CCDC7: variants seen among roughly 807,000 people sequenced by gnomAD.
CCDC7 encodes coiled-coil domain containing 7, also known as coiled-coil domain-containing protein 7.
A neutral mutation model predicts 196.9 loss-of-function variants in CCDC7; 183 were observed. The observed-to-expected ratio is 0.93, with a 90% CI of 0.82 to 1.05. CCDC7 has a LOEUF of 1.05. Among genes scored for constraint, CCDC7 ranks in the 50% least tolerant of loss-of-function variants. The pLI, the probability that CCDC7 is intolerant of heterozygous loss-of-function variation, is 0.00. For missense variants in CCDC7, 1,540 were observed against 1,482.2 expected, an observed-to-expected ratio of 1.04 and a Z score of -0.64; for synonymous variants, 525 against 484.6, an observed-to-expected ratio of 1.08 and a Z score of -1.10.
At chr10:32,849,398 T>C (rs1002190520) in intron 39 of CCDC7, among the ~76,000 whole-genome samples, 1 of 151,854 alleles carries the variant, frequency 6.6e-6, no homozygotes, top group Non-Finnish European at 1.5e-5. Context: ...GAAACTTTAC[T>C]GGTTGTTCAA....
At chr10:32,648,569 G>T (rs1266887927) in intron 20 of CCDC7, among the ~76,000 whole-genome samples, 1 of 152,112 alleles carries the variant, frequency 6.6e-6, no homozygotes, top group Non-Finnish European at 1.5e-5. Context: ...TCTGCCTCTA[G>T]GTCTTTGAAG....
intron 18 of CCDC7, among the ~76,000 whole-genome samples, chr10:32,607,923 G>A (rs1380758474): frequency 6.6e-6 from 1 of 152,064 alleles, no homozygotes; most frequent in East Asian, 1.9e-4. Flanking sequence ...GAATACAGCA[G>A]TAGAGCCATC....
intron 39 of CCDC7, 65 bp downstream of exon 40, chr10:32,848,783 C>A: frequency 8.2e-7 from 1 of 1,217,740 alleles, no homozygotes; most frequent in Non-Finnish European, 1.2e-6. Context: ...TTAAAGTATG[C>A]TTTTTCATTT....
chr10:32,684,059 G>A (rs866132229), intron 21 of CCDC7, among the ~76,000 whole-genome samples: 1 of 152,178 alleles, frequency 6.6e-6, no homozygotes, highest in Non-Finnish European at 1.5e-5. Context: ...TCAGAGAAAT[G>A]CAGAGCTGCA....
chr10:32,625,625 G>A (rs549375269), intron 18 of CCDC7, among the ~76,000 whole-genome samples: 29 of 152,052 alleles, frequency 1.9e-4, no homozygotes, highest in Admixed American at 1.7e-3. Flanking sequence ...ATTTTGAAAT[G>A]TACAATATGC....
chr10:32,820,840 T>G (rs1003541124), intron 31 of CCDC7, among the ~76,000 whole-genome samples: 16 of 152,280 alleles, frequency 1.1e-4, no homozygotes, highest in African/African-American at 3.4e-4. Context: ...GACTTAAATG[T>G]TAGACCTAAA....
chr10:32,843,102 T>A (rs2093074189), intron 33 of CCDC7, among the ~76,000 whole-genome samples: 1 of 150,486 alleles, frequency 6.6e-6, no homozygotes, highest in African/African-American at 2.5e-5. Flanking sequence ...AAAAATAAAT[T>A]TTTTTAAAAA....
At chr10:32,656,064 C>CTTA (rs3031377) in intron 20 of CCDC7, among the ~76,000 whole-genome samples, 68,075 of 151,578 alleles carry the variant, frequency 0.45, 16,006 homozygotes, top group East Asian at 0.58. Flanking sequence ...TTGATACAAT[C>CTTA]TTATTCTATT....
intron 9 of CCDC7, among the ~76,000 whole-genome samples, chr10:32,508,553 T>C (rs1210357581): frequency 6.6e-6 from 1 of 152,176 alleles, no homozygotes; most frequent in Non-Finnish European, 1.5e-5. Flanking sequence ...AAAATTCATA[T>C]GCAATTTCAA....
At chr10:32,455,455 C>T (rs996415156) in intron 2 of CCDC7, among the ~76,000 whole-genome samples, 5 of 151,958 alleles carry the variant, frequency 3.3e-5, no homozygotes, top group Non-Finnish European at 7.4e-5. Flanking sequence ...GCTGGGATTA[C>T]CGGTGTGCGG....
chr10:32,759,969 A>T (rs930393622), intron 28 of CCDC7, among the ~76,000 whole-genome samples: 1 of 152,150 alleles, frequency 6.6e-6, no homozygotes, highest in African/African-American at 2.4e-5. Flanking sequence ...GAAGACATTT[A>T]TGCAGCCAAA....
At chr10:32,556,031 A>G (rs1226293024) in intron 13 of CCDC7, among the ~76,000 whole-genome samples, 1 of 152,152 alleles carries the variant, frequency 6.6e-6, no homozygotes, top group African/African-American at 2.4e-5. Flanking sequence ...CACATCACTC[A>G]TGGTGTCATT....
intron 29 of CCDC7, among the ~76,000 whole-genome samples, chr10:32,796,637 T>C (rs1307403529): frequency 6.6e-6 from 1 of 152,224 alleles, no homozygotes; most frequent in Non-Finnish European, 1.5e-5. Context: ...AAAATGCTTC[T>C]TTCAGTTTCT....
intron 18 of CCDC7, among the ~76,000 whole-genome samples, chr10:32,602,082 C>G (rs552089408): frequency 6.6e-6 from 1 of 152,078 alleles, no homozygotes; most frequent in Non-Finnish European, 1.5e-5. Context: ...TCTTTGGGTC[C>G]GCACTACCTT....
At chr10:32,729,332 C>T (rs753507072) in exon 28 of CCDC7, 16 of 1,553,090 alleles carry the variant, frequency 1.0e-5, no homozygotes, top group East Asian at 9.3e-5. Context: ...TTCTATTTAG[C>T]GTTTCCTTTA....
chr10:32,500,572 C>G (rs933732672), intron 9 of CCDC7, among the ~76,000 whole-genome samples: 2 of 144,732 alleles, frequency 1.4e-5, no homozygotes, highest in Admixed American at 6.9e-5. Context: ...ACTGGGCGGC[C>G]GGGCAGAGGG....
intron 25 of CCDC7, among the ~76,000 whole-genome samples, chr10:32,721,848 G>T (rs1373098728): frequency 1.3e-5 from 2 of 152,066 alleles, no homozygotes; most frequent in African/African-American, 4.8e-5. Context: ...TTAGAACAGG[G>T]ACATGGATAT....
chr10:32,689,090 G>T (rs779534001), exon 23 of CCDC7: 1 of 1,607,400 alleles, frequency 6.2e-7, no homozygotes, highest in Non-Finnish European at 8.5e-7. Flanking sequence ...TTATACTTAG[G>T]CATCAAGACT....
intron 21 of CCDC7, among the ~76,000 whole-genome samples, chr10:32,671,465 A>G (rs1434158692): frequency 6.6e-6 from 1 of 152,154 alleles, no homozygotes; most frequent in East Asian, 1.9e-4. Context: ...AAATTGCCTA[A>G]TGACACGTTT....
Sources: allele counts gnomAD v4.1 joint callset (sites outside exome capture counted in the v4.1 genomes callset), GRCh38; gene constraint gnomAD v4.1.1; transcripts MANE v1.5; gene names NCBI Gene and HGNC (gene_info 2026-07-23, HGNC 2026-07-21).